Variants in TPH2 observed in about 807,000 individuals in gnomAD.
TPH2 encodes the protein tryptophan 5-hydroxylase 2.
A neutral mutation model predicts 59.1 loss-of-function variants in TPH2; 27 were observed. The observed-to-expected ratio is 0.46, with a 90% CI of 0.34 to 0.63. The LOEUF is 0.63. Ranked by LOEUF, TPH2 falls within the 30% of genes least tolerant of loss-of-function variation. The pLI, the probability that TPH2 is intolerant of heterozygous loss-of-function variation, is 0.01. For missense variants in TPH2, 523 were observed against 588.3 expected (o/e 0.89, Z 1.15); for synonymous variants, 220 against 210.5 (o/e 1.05, Z -0.39).
chr12:71,944,193 T>C, intron 2 of TPH2, 101 bp from the exon 3 acceptor site: 4 of 1,171,510 alleles, frequency 3.4e-6, no homozygotes, highest in Non-Finnish European at 2.5e-6. Context: ...CTTCCTCTTG[T>C]GTGGGTACTT....
intron 8 of TPH2, among the ~76,000 whole-genome samples, chr12:72,019,011 C>T (rs1016014394): frequency 1.3e-5 from 2 of 152,158 alleles, no homozygotes; most frequent in Admixed American, 1.3e-4. Context: ...CCAGATACTT[C>T]CAAGCCTTTG....
chr12:71,986,538 G>A (rs1214914876), intron 7 of TPH2, among the ~76,000 whole-genome samples: 1 of 151,606 alleles, frequency 6.6e-6, no homozygotes, highest in Admixed American at 6.6e-5. Flanking sequence ...AACCAAAATT[G>A]TGTCTAACTG....
intron 5 of TPH2, among the ~76,000 whole-genome samples, chr12:71,971,057 G>C (rs998875132): frequency 6.6e-6 from 1 of 152,188 alleles, no homozygotes; most frequent in Non-Finnish European, 1.5e-5. Flanking sequence ...GAGGAGGAAG[G>C]CAGCTAGGGG....
intron 5 of TPH2, chr12:71,965,291 G>A (rs1348419900): frequency 6.6e-6 from 1 of 152,106 alleles, no homozygotes; most frequent in Non-Finnish European, 1.5e-5. Context: ...ATTCCTCTGG[G>A]TATATACTCA....
At chr12:72,031,004 TTAAA>T (rs1220544771) in intron 9 of TPH2, among the ~76,000 whole-genome samples, 1 of 152,194 alleles carries the variant, frequency 6.6e-6, no homozygotes, top group African/African-American at 2.4e-5. Flanking sequence ...TGGTAATAAA[TTAAA>T]TAATACCACA....
In TPH2 at chr12:71,972,508, C is replaced by A. The variant is rs767191928; in HGVS notation, c.609-11C>A. On this transcript the variant is annotated splice_polypyrimidine_tract_variant and intron_variant, in intron 5 of 10. Coordinates refer to ENST00000333850, the MANE Select transcript of TPH2 (RefSeq NM_173353.4). ...AAGTTAGATTCATTTAGTTTCTTCT[C>A]TCCTGCCTAGTGGTCAGCCCATTCC... The A allele has an allele frequency of 1.2e-6, 2 of 1,613,840 alleles. No homozygotes were observed. The highest frequency in any genetic ancestry group is 1.3e-5 in the African/African-American group (1 of 75,040).
chr12:71,973,673 A>G (rs1013866728), intron 6 of TPH2, among the ~76,000 whole-genome samples: 2 of 152,226 alleles, frequency 1.3e-5, no homozygotes, highest in Non-Finnish European at 2.9e-5. Context: ...TGACTTTCTT[A>G]ATAAACTTGC....
intron 5 of TPH2, chr12:71,964,768 T>G (rs973875182): frequency 1.0e-6 from 1 of 985,196 alleles, no homozygotes. Flanking sequence ...TTATAAATTT[T>G]GTGATGATGA....
At chr12:72,027,377 G>A (rs1873600156) in intron 9 of TPH2, among the ~76,000 whole-genome samples, 1 of 152,140 alleles carries the variant, frequency 6.6e-6, no homozygotes, top group Non-Finnish European at 1.5e-5. Context: ...AATATACTGA[G>A]CACTTCCCAT....
chr12:72,025,835 C>A (rs970028373), intron 9 of TPH2, among the ~76,000 whole-genome samples: 2 of 152,182 alleles, frequency 1.3e-5, no homozygotes, highest in African/African-American at 4.8e-5. Context: ...TCCTTTCACA[C>A]TTTTTCTCTT....
At chr12:71,979,238 C>T (rs1325941366) in intron 7 of TPH2, 151 bp downstream of exon 7, 5 of 1,236,750 alleles carry the variant, frequency 4.0e-6, no homozygotes, top group Non-Finnish European at 5.8e-6. Flanking sequence ...AAAGGGCTCA[C>T]TGAAGGATCA....
rs1229381616 is a variant in TPH2, at chr12:72,031,583, T to C, written c.1361T>C (p.Ile454Thr). 3 of 1,613,642 alleles carry C rather than the reference T, an allele frequency of 1.9e-6. No individual in the cohort carries two copies. Among genetic ancestry groups the C allele is most frequent in the East Asian group, 2.2e-5 (1 of 44,870 alleles). ...TACTTCAATCCCTACACACAGAGTA[T>C]TGAAATTCTGAAAGACACCAGAAGT... ...SVYFNPYTQS[I>T]EILKDTRSIE... Residue 454 changes from isoleucine (I) to threonine (T), a missense_variant, in exon 11 of 11, where the codon ATT becomes ACT. Coordinates refer to ENST00000333850, the MANE Select transcript of TPH2 (RefSeq NM_173353.4).
At chr12:71,986,465 A>G (rs1185632790) in intron 7 of TPH2, among the ~76,000 whole-genome samples, 1 of 152,178 alleles carries the variant, frequency 6.6e-6, no homozygotes, top group African/African-American at 2.4e-5. Context: ...GAGCTTAAGC[A>G]TTCTAACAAT....
intron 2 of TPH2, 134 bp downstream of exon 2, chr12:71,941,867 G>A: frequency 1.9e-6 from 2 of 1,032,218 alleles, no homozygotes; most frequent in South Asian, 1.3e-5. Flanking sequence ...CAAACTTCGT[G>A]AGGCTTTAAA....
intron 5 of TPH2, among the ~76,000 whole-genome samples, chr12:71,958,011 A>G (rs948604601): frequency 1.3e-5 from 2 of 152,212 alleles, no homozygotes; most frequent in African/African-American, 2.4e-5. Flanking sequence ...ATTTTCTGTC[A>G]TTTAACCACA....
chr12:71,965,030 A>T (rs1871779538), intron 5 of TPH2: 1 of 152,228 alleles, frequency 6.6e-6, no homozygotes, highest in South Asian at 2.1e-4. Flanking sequence ...AAGTGAGAAC[A>T]TGCAGTATTT....
chr12:72,001,096 T>C (rs775184829), intron 8 of TPH2, among the ~76,000 whole-genome samples: 25 of 152,328 alleles, frequency 1.6e-4, no homozygotes, highest in Non-Finnish European at 3.4e-4. Flanking sequence ...GCAATCAGTG[T>C]GAATACACCA....
chr12:71,969,357 G>T, intron 5 of TPH2, among the ~76,000 whole-genome samples: 1 of 152,068 alleles, frequency 6.6e-6, no homozygotes, highest in East Asian at 1.9e-4. Flanking sequence ...CACCCCTCTG[G>T]CTCCCTTCTC....
chr12:72,007,271 CAA>C (rs1384125462), intron 8 of TPH2, among the ~76,000 whole-genome samples: 1 of 152,074 alleles, frequency 6.6e-6, no homozygotes, highest in Non-Finnish European at 1.5e-5. Context: ...TAGAGAAAGG[CAA>C]GTCACAGGAA....
Sources: allele counts gnomAD v4.1 joint callset (sites outside exome capture counted in the v4.1 genomes callset), GRCh38; gene constraint gnomAD v4.1.1; transcripts MANE v1.5; gene names NCBI Gene and HGNC (gene_info 2026-07-23, HGNC 2026-07-21).